PDE11A: variants seen among roughly 807,000 people sequenced by gnomAD.
PDE11A encodes phosphodiesterase 11A, also known as dual 3',5'-cyclic-AMP and -GMP phosphodiesterase 11A.
Under a neutral mutation model 100.5 loss-of-function variants are expected in PDE11A, and 100 were observed. That is an observed-to-expected ratio of 1.00 (90% CI 0.85 to 1.18). The LOEUF (loss-of-function observed/expected upper bound fraction) is 1.18, where lower values mean the gene tolerates loss of function less well. Ranked by LOEUF, PDE11A falls within the 50% of genes most tolerant of loss-of-function variation. The pLI is 0.00. For synonymous variants in PDE11A, 381 were observed against 420.8 expected, an observed-to-expected ratio of 0.91 and a Z score of 1.16; for missense variants, 1,141 against 1,152.6, an observed-to-expected ratio of 0.99 and a Z score of 0.15.
At chr2:177,961,512 T>C (rs1386781963) in intron 2 of PDE11A, among the ~76,000 whole-genome samples, 1 of 152,230 alleles carries the variant, frequency 6.6e-6, no homozygotes, top group Non-Finnish European at 1.5e-5. Context: ...ATACTACCTG[T>C]TACGTTTTGG....
intron 2 of PDE11A, chr2:177,997,351 T>G (rs1221201263): frequency 1.2e-6 from 1 of 864,290 alleles, no homozygotes; most frequent in Non-Finnish European, 2.0e-6. Flanking sequence ...TTTTTTGTTC[T>G]GCTGAAGATT....
chr2:177,996,124 G>A (rs1221007352), intron 2 of PDE11A, among the ~76,000 whole-genome samples: 2 of 152,010 alleles, frequency 1.3e-5, no homozygotes, highest in Non-Finnish European at 2.9e-5. Context: ...CTACTTGGGA[G>A]GCAGAGGCAG....
chr2:177,901,524 G>A (rs902637909), intron 3 of PDE11A, among the ~76,000 whole-genome samples: 1 of 152,172 alleles, frequency 6.6e-6, no homozygotes, highest in Non-Finnish European at 1.5e-5. Flanking sequence ...AACCCACTGG[G>A]TGGTTACATT....
intron 12 of PDE11A, among the ~76,000 whole-genome samples, chr2:177,726,660 G>GTTT (rs11423127): frequency 0.15 from 22,052 of 142,648 alleles, 1,933 homozygotes; most frequent in Middle Eastern, 0.26. Context: ...ATGAGGCAGA[G>GTTT]TTTTTTTTTT....
intron 19 of PDE11A, among the ~76,000 whole-genome samples, chr2:177,632,988 G>A (rs759893928): frequency 2.0e-5 from 3 of 152,092 alleles, no homozygotes; most frequent in Non-Finnish European, 4.4e-5. Flanking sequence ...TCCCTTTCTT[G>A]TTGCACTAAG....
intron 2 of PDE11A, among the ~76,000 whole-genome samples, chr2:177,935,601 G>A (rs1257379369): frequency 6.6e-6 from 1 of 152,130 alleles, no homozygotes; most frequent in Admixed American, 6.6e-5. Flanking sequence ...CCACACTCAA[G>A]GTGGGGCCCT....
At position 177,627,124 on chromosome 2, in the gene PDE11A, C is replaced by T. The variant is rs1179372968; in HGVS notation, c.*2283G>A. ...TCTCGACTCACTGCAAGCTCCGCCTCGCGGGTTCCCGCCATTCTCTTGCCT... is the reference window on the plus strand; with the variant it reads ...TCTCGACTCACTGCAAGCTCCGCCTTGCGGGTTCCCGCCATTCTCTTGCCT... On this transcript the variant is annotated 3_prime_UTR_variant, in exon 20 of 20. Coordinates refer to ENST00000286063, the MANE Select transcript of PDE11A (RefSeq NM_016953.4). The T allele has an allele frequency of 7.0e-6, 1 of 143,520 alleles. No individual in the cohort carries two copies. Among genetic ancestry groups the T allele is most frequent in the African/African-American group, 2.7e-5 (1 of 36,724 alleles). 8.9% of individuals were successfully genotyped at this position (143,520 alleles called of 1,614,324 possible).
chr2:177,699,896 G>A (rs934810), intron 14 of PDE11A, among the ~76,000 whole-genome samples: 2,603 of 152,180 alleles, frequency 0.017, 67 homozygotes, highest in African/African-American at 0.059. Context: ...GAGTGAGTGG[G>A]GTTTGTTTCC....
chr2:178,068,989 G>A (rs774208236), intron 1 of PDE11A, among the ~76,000 whole-genome samples: 3 of 152,176 alleles, frequency 2.0e-5, no homozygotes, highest in Non-Finnish European at 4.4e-5. Context: ...TAAGGGTGGA[G>A]CATGGAAAAG....
chr2:177,756,761 G>A (rs549135025), intron 10 of PDE11A, among the ~76,000 whole-genome samples: 1 of 152,358 alleles, frequency 6.6e-6, no homozygotes, highest in East Asian at 1.9e-4. Flanking sequence ...GTCCCTTGAA[G>A]TTGATATTCT....
intron 9 of PDE11A, among the ~76,000 whole-genome samples, chr2:177,770,722 T>G (rs2082299865): frequency 6.6e-6 from 1 of 152,226 alleles, no homozygotes; most frequent in African/African-American, 2.4e-5. Context: ...GTGAGACAAA[T>G]AAATGCACAT....
intron 2 of PDE11A, among the ~76,000 whole-genome samples, chr2:178,000,835 C>A (rs1438640396): frequency 2.6e-5 from 4 of 152,184 alleles, no homozygotes; most frequent in African/African-American, 9.7e-5. Context: ...CTCACACACA[C>A]ACACAAAAGT....
In PDE11A at chr2:177,711,808, T is replaced by A; in HGVS notation, c.2114A>T (p.Asp705Val). 6 of 1,610,778 alleles carry A rather than the reference T, an allele frequency of 3.7e-6. No individual in the cohort carries two copies. The South Asian group carries it at 6.6e-5, about 18-fold the overall frequency. Residue 705 changes from aspartate to valine, a missense_variant, in exon 13 of 20, where the codon GAC (aspartate) becomes GTC (valine). Coordinates refer to ENST00000286063, the MANE Select transcript of PDE11A (RefSeq NM_016953.4). ...LAVIVGCLCHDLDHRGTNNAF... is the reference protein window; with the variant it reads ...LAVIVGCLCHVLDHRGTNNAF... ...ATTGTTGGTTCCCCTGTGGTCGAGG[T>A]CATGACACAGGCATCCCACAATCAC... is the stretch of plus-strand genomic sequence containing the variant.
chr2:177,675,651 G>C, intron 16 of PDE11A, 133 bp from the exon 17 acceptor site: 1 of 737,272 alleles, frequency 1.4e-6, no homozygotes, highest in South Asian at 1.5e-5. Flanking sequence ...CCTCAACAAG[G>C]GGCAGCACTG....
At chr2:177,879,202 G>T (rs1051852457) in intron 4 of PDE11A, among the ~76,000 whole-genome samples, 1 of 152,142 alleles carries the variant, frequency 6.6e-6, no homozygotes, top group African/African-American at 2.4e-5. Flanking sequence ...TGATTTCTGT[G>T]CAGGAGAAAA....
At chr2:177,934,003 T>C (rs1188156346) in intron 2 of PDE11A, among the ~76,000 whole-genome samples, 2 of 152,156 alleles carry the variant, frequency 1.3e-5, no homozygotes, top group Non-Finnish European at 2.9e-5. Flanking sequence ...AAGATTTAAA[T>C]GTAAAACTTC....
intron 13 of PDE11A, among the ~76,000 whole-genome samples, chr2:177,710,495 G>C (rs546320989): frequency 1.5e-3 from 222 of 152,272 alleles, no homozygotes; most frequent in African/African-American, 5.2e-3. Context: ...CAGCCAAGTG[G>C]GAGGAATATA....
intron 5 of PDE11A, among the ~76,000 whole-genome samples, chr2:177,848,180 A>G (rs1257448224): frequency 2.0e-5 from 3 of 152,202 alleles, no homozygotes. Context: ...TCACTTGTCC[A>G]TATTTAATAG....
At chr2:178,081,791 AT>A (rs1417778946) in intron 2 of PDE11A, among the ~76,000 whole-genome samples, 1 of 152,212 alleles carries the variant, frequency 6.6e-6, no homozygotes, top group East Asian at 1.9e-4. Flanking sequence ...TGCACAAGTA[AT>A]TTTTTTAAAA....
Sources: allele counts gnomAD v4.1 joint callset (sites outside exome capture counted in the v4.1 genomes callset), GRCh38; gene constraint gnomAD v4.1.1; transcripts MANE v1.5; gene names NCBI Gene and HGNC (gene_info 2026-07-23, HGNC 2026-07-21).